DPP10: variants seen among roughly 807,000 people sequenced by gnomAD.
DPP10 encodes the protein dipeptidyl peptidase like 10.
In DPP10, 33 loss-of-function variants were observed where a neutral mutation model predicts 120.9. The ratio of observed to expected loss-of-function variants is 0.27; its 90% confidence interval spans 0.21 to 0.37. The LOEUF (loss-of-function observed/expected upper bound fraction) is 0.37, where lower values mean the gene tolerates loss of function less well. Ranked by LOEUF, DPP10 falls within the 10% of genes least tolerant of loss-of-function variation. The pLI, the probability that DPP10 is intolerant of heterozygous loss-of-function variation, is 1.00. For missense variants in DPP10, 816 were observed against 942.8 expected (o/e 0.87, Z 1.76); for synonymous variants, 337 against 326.1 (o/e 1.03, Z -0.36).
intron 1 of DPP10, among the ~76,000 whole-genome samples, chr2:114,512,983 T>A (rs1684271659): frequency 6.6e-6 from 1 of 152,074 alleles, no homozygotes; most frequent in Non-Finnish European, 1.5e-5. Flanking sequence ...ATTTTACTGC[T>A]TGGAATACCT....
chr2:115,417,615 G>A (rs890545875), intron 3 of DPP10, among the ~76,000 whole-genome samples: 1 of 152,084 alleles, frequency 6.6e-6, no homozygotes, highest in African/African-American at 2.4e-5. Context: ...GAAAAAAAGA[G>A]GCAAAAGGAG....
intron 3 of DPP10, among the ~76,000 whole-genome samples, chr2:115,437,632 C>T (rs1056242349): frequency 1.3e-5 from 2 of 152,036 alleles, no homozygotes; most frequent in Non-Finnish European, 2.9e-5. Flanking sequence ...GATAGGAAAA[C>T]AGGTGGCAAC....
At chr2:115,462,263 C>T (rs1295422774) in intron 3 of DPP10, among the ~76,000 whole-genome samples, 1 of 152,144 alleles carries the variant, frequency 6.6e-6, no homozygotes, top group Non-Finnish European at 1.5e-5. Context: ...CATCAGTCCA[C>T]CTCCTTGACA....
chr2:114,861,654 G>A (rs902916832), intron 1 of DPP10, among the ~76,000 whole-genome samples: 3 of 152,076 alleles, frequency 2.0e-5, no homozygotes, highest in African/African-American at 7.2e-5. Context: ...GAATTAACAA[G>A]CCAGCTGATT....
chr2:115,282,024 G>A (rs1559360457), intron 1 of DPP10, among the ~76,000 whole-genome samples: 2 of 151,912 alleles, frequency 1.3e-5, no homozygotes, highest in South Asian at 2.1e-4. Context: ...ATTACTTTAA[G>A]GTAGGAGTGG....
Position 114,575,024 on chromosome 2 carries a change from C to T in DPP10, c.60+132186C>T, listed in dbSNP as rs542972261. On this transcript the variant is annotated intron_variant, in intron 1 of 25. Coordinates refer to ENST00000410059, the MANE Select transcript of DPP10 (RefSeq NM_020868.6). ...CAACTAAATAGCAACAGCAGGGAGA[C>T]GAAGGGGCTTGAAGAATAAAGATGA... 9.9e-5 allele frequency among the ~76,000 whole-genome samples: 15 copies of T among 152,110 alleles called. 1 individual carries two copies. The South Asian group carries it at 1.9e-3, about 19-fold the overall frequency.
intron 1 of DPP10, among the ~76,000 whole-genome samples, chr2:114,663,143 A>G (rs1028744371): frequency 6.6e-6 from 1 of 152,044 alleles, no homozygotes; most frequent in African/African-American, 2.4e-5. Context: ...AAGCTGGTAC[A>G]GGAGCCAAGA....
In DPP10 at chr2:114,801,957, C is replaced by T. The variant is rs116214107; in HGVS notation, c.60+359119C>T. Among the ~76,000 whole-genome samples the T allele has an allele frequency of 4.8e-3, 728 of 152,218 alleles. 7 individuals are homozygous for T. Among genetic ancestry groups the T allele is most frequent in the African/African-American group, 0.016 (682 of 41,512 alleles). Reference sequence around the variant, plus strand: ...GTTCCCAAATTTCTACCTTGCTGTGCGAACAGAGAACATGTGGAAACGTCT... The same window carrying T: ...GTTCCCAAATTTCTACCTTGCTGTGTGAACAGAGAACATGTGGAAACGTCT... On this transcript the variant is annotated intron_variant, in intron 1 of 25. Transcript: ENST00000410059.
intron 1 of DPP10, among the ~76,000 whole-genome samples, chr2:114,695,550 A>C (rs1289252500): frequency 6.6e-6 from 1 of 152,076 alleles, no homozygotes; most frequent in Non-Finnish European, 1.5e-5. Flanking sequence ...AGAAATGTTC[A>C]AGTGTCTAGA....
intron 1 of DPP10, among the ~76,000 whole-genome samples, chr2:115,241,462 C>A (rs2058275270): frequency 6.6e-6 from 1 of 152,120 alleles, no homozygotes; most frequent in Non-Finnish European, 1.5e-5. Context: ...AGATTCTAAT[C>A]TGGTACAGGT....
intron 1 of DPP10, chr2:115,162,195 G>C: frequency 6.4e-7 from 1 of 1,552,866 alleles, no homozygotes; most frequent in Non-Finnish European, 8.7e-7. Flanking sequence ...TCTGCGGGAA[G>C]TTAGAGCCTC....
At chr2:114,913,439 G>T (rs958081742) in intron 1 of DPP10, among the ~76,000 whole-genome samples, 1 of 152,148 alleles carries the variant, frequency 6.6e-6, no homozygotes, top group Non-Finnish European at 1.5e-5. Flanking sequence ...AAAGCCGTAA[G>T]ACTGGTCCCA....
At chr2:114,884,093 C>T (rs1420990950) in intron 1 of DPP10, among the ~76,000 whole-genome samples, 1 of 151,836 alleles carries the variant, frequency 6.6e-6, no homozygotes, top group Non-Finnish European at 1.5e-5. Flanking sequence ...TAACTTGGCT[C>T]TTTTTCCTGT....
intron 2 of DPP10, among the ~76,000 whole-genome samples, chr2:115,339,200 C>T (rs538836844): frequency 6.6e-6 from 1 of 152,178 alleles, no homozygotes; most frequent in Admixed American, 6.5e-5. Context: ...CATAAATAAG[C>T]ACATTAAATG....
At chr2:115,289,043 C>T (rs1039213089) in intron 1 of DPP10, among the ~76,000 whole-genome samples, 16 of 152,028 alleles carry the variant, frequency 1.1e-4, no homozygotes, top group Non-Finnish European at 2.9e-5. Flanking sequence ...ACCCAGAAAA[C>T]CCTAAAGATT....
At chr2:115,817,463 C>T (rs570230263) in intron 21 of DPP10, among the ~76,000 whole-genome samples, 1 of 152,234 alleles carries the variant, frequency 6.6e-6, no homozygotes, top group African/African-American at 2.4e-5. Flanking sequence ...TAAAAAACCA[C>T]TTAAGAAATG....
chr2:115,343,704 A>G (rs1352952120), intron 2 of DPP10, 113 bp from the exon 3 acceptor site: 1 of 579,986 alleles, frequency 1.7e-6, no homozygotes, highest in East Asian at 3.1e-5. Context: ...TGGTCACTTT[A>G]TATTGTTATG....
At chr2:115,585,266 G>T (rs2082219067) in intron 5 of DPP10, among the ~76,000 whole-genome samples, 1 of 152,068 alleles carries the variant, frequency 6.6e-6, no homozygotes, top group Non-Finnish European at 1.5e-5. Flanking sequence ...AAATTCCAAA[G>T]GTCTTAATAT....
rs539955220 is a variant in DPP10 at position 115,309,263 on chromosome 2, C to A, written c.85C>A (p.Gln29Lys). The change falls in exon 2 of 26, where the codon CAG (glutamine) becomes AAG (lysine). Residue 29 changes from glutamine (Q) to lysine (K), a missense_variant. Around this residue, in one of 3 missense-constraint regions of DPP10, gnomAD observed 182 missense variants for 207.4 expected, o/e 0.88. Coordinates refer to ENST00000410059, the MANE Select transcript of DPP10 (RefSeq NM_020868.6). The part of the protein sequence containing the change: ...IKELGSNSPP[Q>K]RNWKGIAIAL... ...GGAACTGGGAAGTAACAGCCCTCCA[C>A]AGAGAAACTGGAAGGGAATTGCTAT... 24 of 1,613,226 alleles carry A rather than the reference C, an allele frequency of 1.5e-5. No individual in the cohort carries two copies. The highest frequency in any genetic ancestry group is 1.9e-5 in the Non-Finnish European group (23 of 1,179,566).
Sources: allele counts gnomAD v4.1 joint callset (sites outside exome capture counted in the v4.1 genomes callset), GRCh38; gene constraint gnomAD v4.1.1; regional missense constraint gnomAD v4.1.1; transcripts MANE v1.5; gene names NCBI Gene and HGNC (gene_info 2026-07-23, HGNC 2026-07-21).